The following GLDC variants were observed in gnomAD, a reference collection of about 807,000 sequenced individuals.
GLDC encodes the protein glycine decarboxylase, also known as glycine dehydrogenase (decarboxylating), mitochondrial.
GLDC carries 104 observed loss-of-function variants against 121.3 expected under a neutral mutation model. The ratio of observed to expected loss-of-function variants is 0.86; its 90% CI spans 0.73 to 1.01. The LOEUF (loss-of-function observed/expected upper bound fraction) is 1.01. Among genes scored for constraint, GLDC ranks in the 50% least tolerant of loss-of-function variants. The pLI is 0.00. For synonymous variants in GLDC, 546 were observed against 480.6 expected (o/e 1.14, Z -1.78); for missense variants, 1,429 against 1,306.6 (o/e 1.09, Z -1.44).
intron 2 of GLDC, among the ~76,000 whole-genome samples, chr9:6,631,133 G>A (rs1478436121): frequency 6.6e-6 from 1 of 152,206 alleles, no homozygotes; most frequent in Non-Finnish European, 1.5e-5. Flanking sequence ...CCCAACCTGG[G>A]GCTCTGAGTC....
At chr9:6,577,067 A>C (rs997661053) in intron 15 of GLDC, among the ~76,000 whole-genome samples, 5 of 152,238 alleles carry the variant, frequency 3.3e-5, no homozygotes, top group African/African-American at 1.2e-4. Flanking sequence ...GAATGACTGC[A>C]GAAAGAACAA....
At chr9:6,593,691 CTTTT>C (rs201795236) in intron 9 of GLDC, among the ~76,000 whole-genome samples, 5 of 133,176 alleles carry the variant, frequency 3.8e-5, no homozygotes, top group Non-Finnish European at 4.9e-5. Flanking sequence ...GATTTAATCA[CTTTT>C]TTTTTTTTTT....
intron 3 of GLDC, among the ~76,000 whole-genome samples, chr9:6,612,093 T>C (rs1818868332): frequency 6.6e-6 from 1 of 152,044 alleles, no homozygotes; most frequent in Non-Finnish European, 1.5e-5. Context: ...TCATTCCAGT[T>C]CACCACCCAC....
At chr9:6,612,715 A>G (rs937674611) in intron 3 of GLDC, among the ~76,000 whole-genome samples, 6 of 152,190 alleles carry the variant, frequency 3.9e-5, no homozygotes, top group African/African-American at 1.2e-4. Context: ...TACAAAAATT[A>G]GCTGGGTGTG....
At chr9:6,599,194 A>G (rs1013417660) in intron 8 of GLDC, among the ~76,000 whole-genome samples, 1 of 152,008 alleles carries the variant, frequency 6.6e-6, no homozygotes, top group Admixed American at 6.5e-5. Context: ...CAAAAAAAAA[A>G]AAAAGAAAGA....
chr9:6,610,401 G>C (rs746856082), intron 3 of GLDC, 45 bp from the exon 4 acceptor site: 3 of 1,596,240 alleles, frequency 1.9e-6, no homozygotes, highest in South Asian at 1.1e-5. Context: ...CTGCTGTTTA[G>C]AGAAGCACAC....
In GLDC at chr9:6,605,160, C is replaced by T. The variant is rs779837711; in HGVS notation, c.832G>A (p.Glu278Lys). The change falls in exon 6 of 25, where the codon GAA (glutamate) becomes AAA (lysine). Residue 278 changes from glutamate (E) to lysine (K), a missense_variant. By Grantham distance (56) the Glu-to-Lys change is moderately conservative. Transcript: ENST00000321612. ...CTCTGATGAGCTCTCTCCACGAGTT[C>T]CGTAAAGTCTTCCACCTTCCCCTCC... ...DTEGKVEDFTELVERAHQSGS... is the reference protein window; with the variant it reads ...DTEGKVEDFTKLVERAHQSGS... The T allele has an allele frequency of 1.4e-5, 22 of 1,613,018 alleles. No homozygotes were observed. The African/African-American group carries it at 2.9e-4, about 22-fold the overall frequency.
At chr9:6,589,959 G>C (rs906234432) in intron 11 of GLDC, among the ~76,000 whole-genome samples, 5 of 152,014 alleles carry the variant, frequency 3.3e-5, no homozygotes, top group African/African-American at 1.2e-4. Context: ...GGAGGCTGAG[G>C]CAGGAGAATG....
intron 3 of GLDC, among the ~76,000 whole-genome samples, chr9:6,617,549 C>T (rs1272383006): frequency 6.6e-6 from 1 of 152,166 alleles, no homozygotes; most frequent in African/African-American, 2.4e-5. Context: ...ACCAATACCA[C>T]AATGAAAAAG....
At chr9:6,644,522 A>G (rs1324966678) in intron 2 of GLDC, 92 bp downstream of exon 2, 1 of 850,402 alleles carries the variant, frequency 1.2e-6, no homozygotes, top group Non-Finnish European at 2.0e-6. Context: ...AGTCCTGAGC[A>G]ATCCTTACCC....
rs1260570814 is a variant in GLDC, at chr9:6,644,040, AAAAAAAAAAACG to A, written c.334+562_334+573del. Among the ~76,000 whole-genome samples, 98 of 148,610 alleles carry A rather than the reference AAAAAAAAAAACG, an allele frequency of 6.6e-4. 1 individual carries two copies. Among genetic ancestry groups the A allele is most frequent in the African/African-American group, 2.3e-3 (94 of 40,330 alleles). On this transcript the variant is annotated intron_variant, in intron 2 of 24. Coordinates refer to ENST00000321612, the MANE Select transcript of GLDC (RefSeq NM_000170.3). ...CAGAGATTCTGTCTCAAAAAAAAAA[AAAAAAAAAAACG>A]AAAAAAAAAAGAAAAGAAAAGAAAA...
Position 6,558,654 on chromosome 9 carries a change from T to G in GLDC, c.1957A>C (p.Thr653Pro), listed in dbSNP as rs1817685011. The part of the protein sequence containing the change: ...VCLIPKSAHG[T>P]NPASAHMAGM... ...GCCATGTGGGCACTTGCTGGGTTGG[T>G]CCCATGTGCTGATTTCGGAATGAGG... is the stretch of plus-strand genomic sequence containing the variant. The change falls in exon 17 of 25, where the codon ACC becomes CCC. Residue 653 changes from threonine to proline, a missense_variant. By Grantham distance (38) the Thr-to-Pro change is conservative. Transcript: ENST00000321612. 1 of 1,614,036 alleles carries G rather than the reference T, an allele frequency of 6.2e-7. No homozygotes were observed. Among genetic ancestry groups the G allele is most frequent in the African/African-American group, 1.3e-5 (1 of 74,910 alleles).
intron 2 of GLDC, chr9:6,622,812 GC>G (rs1317738320): frequency 4.4e-6 from 1 of 225,296 alleles, no homozygotes; most frequent in Non-Finnish European, 8.9e-6. Flanking sequence ...CCTCTTCCGG[GC>G]CGCCATCCCA....
At chr9:6,565,724 T>C (rs1563839901) in intron 15 of GLDC, 2 of 579,034 alleles carry the variant, frequency 3.5e-6, no homozygotes, top group Non-Finnish European at 6.1e-6. Context: ...TTTGTTATTA[T>C]GAAAAATTTC....
chr9:6,582,322 C>T (rs554975803), intron 15 of GLDC, among the ~76,000 whole-genome samples: 1 of 148,802 alleles, frequency 6.7e-6, no homozygotes, highest in South Asian at 2.2e-4. Flanking sequence ...AGTTTGAGAC[C>T]AGCTTGGCCA....
chr9:6,566,162 G>C (rs1817851259), intron 15 of GLDC, among the ~76,000 whole-genome samples: 2 of 152,172 alleles, frequency 1.3e-5, no homozygotes, highest in Admixed American at 6.5e-5. Context: ...AGGATCACTG[G>C]AGTCTGTGAG....
chr9:6,619,681 T>C (rs936508382), intron 3 of GLDC, among the ~76,000 whole-genome samples: 8 of 152,108 alleles, frequency 5.3e-5, no homozygotes, highest in Admixed American at 3.3e-4. Flanking sequence ...TGAGCCAAGA[T>C]CACACCACTG....
chr9:6,644,060 A>C (rs1360131337), intron 2 of GLDC, among the ~76,000 whole-genome samples: 1 of 150,056 alleles, frequency 6.7e-6, no homozygotes, highest in Non-Finnish European at 1.5e-5. Flanking sequence ...ACGAAAAAAA[A>C]AAGAAAAGAA....
chr9:6,634,255 C>T (rs1173826183), intron 2 of GLDC, among the ~76,000 whole-genome samples: 1 of 151,976 alleles, frequency 6.6e-6, no homozygotes, highest in African/African-American at 2.4e-5. Flanking sequence ...AAACCCAAAA[C>T]CATGAGTCTC....
Sources: allele counts gnomAD v4.1 joint callset (sites outside exome capture counted in the v4.1 genomes callset), GRCh38; gene constraint gnomAD v4.1.1; transcripts MANE v1.5; gene names NCBI Gene and HGNC (gene_info 2026-07-23, HGNC 2026-07-21).